Variants in PSMB3 observed in about 807,000 individuals in gnomAD.
PSMB3 encodes the protein proteasome subunit beta type-3.
PSMB3 carries 5 observed loss-of-function variants against 23.3 expected under a neutral mutation model. That is an observed-to-expected ratio of 0.21 (90% CI 0.11 to 0.45). The LOEUF is 0.45. Among genes scored for constraint, PSMB3 ranks in the 20% least tolerant of loss-of-function variants. The pLI is 0.99. For missense variants in PSMB3, 192 were observed against 277.9 expected, an observed-to-expected ratio of 0.69 and a Z score of 2.20; for synonymous variants, 85 against 99.8, an observed-to-expected ratio of 0.85 and a Z score of 0.88.
In PSMB3 at chr17:38,755,922, G is replaced by C; in HGVS notation, c.228G>C (p.Leu76Phe). ...AGTTCCGGCTGAACCTGTATGAGTTGAAGGAAGGTCGGCAGATCAAACCTT... is the reference window on the plus strand; with the variant it reads ...AGTTCCGGCTGAACCTGTATGAGTTCAAGGAAGGTCGGCAGATCAAACCTT... ...RLKFRLNLYE[L>F]KEGRQIKPYT... The change falls in exon 3 of 6, where the codon TTG becomes TTC. Residue 76 changes from leucine to phenylalanine, a missense_variant. Physicochemically the swap from Leu to Phe is conservative, Grantham distance 22. Coordinates refer to ENST00000619426, the MANE Select transcript of PSMB3 (RefSeq NM_002795.4). 1 of 1,614,092 alleles carries C rather than the reference G, an allele frequency of 6.2e-7. No individual in the cohort carries two copies. Among genetic ancestry groups the C allele is most frequent in the African/African-American group, 1.3e-5 (1 of 74,998 alleles).
Position 38,754,001 on chromosome 17 carries a change from A to T in PSMB3, c.188+667A>T, listed in dbSNP as rs1416092827. Among the ~76,000 whole-genome samples, 3 of 152,192 alleles carry T rather than the reference A, an allele frequency of 2.0e-5. No homozygotes were observed. In the East Asian group the frequency reaches 5.8e-4, roughly 29 times the overall value. On this transcript the variant is annotated intron_variant, in intron 2 of 5. Coordinates refer to ENST00000619426, the MANE Select transcript of PSMB3 (RefSeq NM_002795.4). Reference sequence around the variant, plus strand: ...CATTTAGCAGTGAGGGGCGAAGAGAAGCCAGAGAAGAATAAGAGAGGAAAA... The same window carrying T: ...CATTTAGCAGTGAGGGGCGAAGAGATGCCAGAGAAGAATAAGAGAGGAAAA...
chr17:38,753,483 C>CT (rs35484180), intron 2 of PSMB3, 149 bp downstream of exon 2: 22,508 of 628,656 alleles, frequency 0.036, 3 homozygotes, highest in Middle Eastern at 0.04. Flanking sequence ...CCTTCCCTTT[C>CT]TTTTTTTTTT....
intron 3 of PSMB3, among the ~76,000 whole-genome samples, chr17:38,756,564 C>T (rs760145626): frequency 1.3e-5 from 2 of 151,848 alleles, no homozygotes; most frequent in South Asian, 2.1e-4. Context: ...GGCGTGATCT[C>T]GGCTCACTGC....
At chr17:38,753,473 C>A in intron 2 of PSMB3, 139 bp downstream of exon 2, 1 of 848,270 alleles carries the variant, frequency 1.2e-6, no homozygotes, top group Non-Finnish European at 1.8e-6. Flanking sequence ...AAAAACATGT[C>A]CTTCCCTTTC....
intron 2 of PSMB3, among the ~76,000 whole-genome samples, chr17:38,754,826 T>A (rs1335399816): frequency 6.6e-6 from 1 of 152,224 alleles, no homozygotes; most frequent in Non-Finnish European, 1.5e-5. Context: ...GACTCATTGC[T>A]TTTCCTCCAG....
At chr17:38,756,835 G>A (rs1043107450) in intron 3 of PSMB3, among the ~76,000 whole-genome samples, 3 of 150,090 alleles carry the variant, frequency 2.0e-5, no homozygotes, top group Admixed American at 1.3e-4. Flanking sequence ...TTATTTTGAA[G>A]TAATTTTTGT....
chr17:38,760,330 T>A, intron 3 of PSMB3, 101 bp from the exon 4 acceptor site: 1 of 1,344,218 alleles, frequency 7.4e-7, no homozygotes, highest in Non-Finnish European at 1.0e-6. Context: ...TCCATTTCCC[T>A]TTGGGTCTGG....
chr17:38,756,884 CTT>C (rs969627335), intron 3 of PSMB3, among the ~76,000 whole-genome samples: 9 of 138,528 alleles, frequency 6.5e-5, no homozygotes, highest in Admixed American at 7.2e-5. Context: ...AAAACTTTTT[CTT>C]TTTTTTTTTT....
At position 38,753,283 on chromosome 17, in the gene PSMB3, G is replaced by T. The variant is rs1265687606; in HGVS notation, c.137G>T (p.Gly46Val). ...TTDFQKIFPM[G>V]DRLYIGLAGL... ...GACTTCCAGAAGATCTTTCCCATGG[G>T]TGACCGGCTGTACATCGGTCTGGCC... Residue 46 changes from glycine (G) to valine (V), a missense_variant, in exon 2 of 6, where the codon GGT becomes GTT. Coordinates refer to ENST00000619426, the MANE Select transcript of PSMB3 (RefSeq NM_002795.4). 1 of 1,614,024 alleles carries T rather than the reference G, an allele frequency of 6.2e-7. No homozygotes were observed. The highest frequency in any genetic ancestry group is 1.3e-5 in the African/African-American group (1 of 74,884).
chr17:38,764,005 G>T, intron 5 of PSMB3, 114 bp from the exon 6 acceptor site: 1 of 1,235,164 alleles, frequency 8.1e-7, no homozygotes, highest in Non-Finnish European at 1.2e-6. Flanking sequence ...GCAGCTATTT[G>T]TTCTGCTCCC....
chr17:38,753,712 C>G (rs1000716170), intron 2 of PSMB3, among the ~76,000 whole-genome samples: 3 of 152,210 alleles, frequency 2.0e-5, no homozygotes, highest in African/African-American at 4.8e-5. Flanking sequence ...CTCCTGACCT[C>G]AAGTGATCCA....
chr17:38,762,465 C>T lies in PSMB3; in HGVS notation c.529C>T (p.Arg177Trp), dbSNP rs1908483805. Residue 177 changes from arginine to tryptophan, a missense_variant, in exon 5 of 6, where the codon CGG becomes TGG. Physicochemically the swap from Arg to Trp is moderately radical, Grantham distance 101. Transcript: ENST00000619426. ...ISQAMLNAVD[R>W]DAVSGMGVIV... ...CCAAGCCATGCTGAATGCTGTGGAC[C>T]GGGATGCAGTGTCAGGCATGGGAGT... 2 of 1,614,118 alleles carry T rather than the reference C, an allele frequency of 1.2e-6. No individual in the cohort carries two copies. The highest frequency in any genetic ancestry group is 1.7e-6 in the Non-Finnish European group (2 of 1,180,008).
chr17:38,755,177 T>C (rs1908101224), intron 2 of PSMB3: 1 of 152,204 alleles, frequency 6.6e-6, no homozygotes, highest in African/African-American at 2.4e-5. Context: ...GGTTTCGCTA[T>C]GTTGCCCACA....
In PSMB3 at chr17:38,762,416, G is replaced by A. The variant is rs138004688; in HGVS notation, c.480G>A (p.Pro160=). The A allele has an allele frequency of 1.3e-5, 21 of 1,613,878 alleles. No individual in the cohort carries two copies. Among genetic ancestry groups the A allele is most frequent in the South Asian group, 4.4e-5 (4 of 91,080 alleles). Residue 160 remains proline (P), a synonymous_variant, in exon 5 of 6, where the codon CCG becomes CCA. Coordinates refer to ENST00000619426, the MANE Select transcript of PSMB3 (RefSeq NM_002795.4). ...GGGTTCCACTCTGTTGGCAGGATCC[G>A]GATCACCTGTTTGAAACCATCTCCC... is the stretch of plus-strand genomic sequence containing the variant. The part of the protein sequence containing the change: ...CESLWEPNMD[P]DHLFETISQA...
At chr17:38,763,061 G>A (rs1908508463) in intron 5 of PSMB3, among the ~76,000 whole-genome samples, 1 of 152,144 alleles carries the variant, frequency 6.6e-6, no homozygotes, top group Non-Finnish European at 1.5e-5. Context: ...CTTAATTACC[G>A]TGAAATAGTA....
rs1296024924 is a variant in PSMB3, at chr17:38,756,003, G to A, written c.296+13G>A. 5.7e-6 allele frequency: 9 copies of A among 1,576,566 alleles called. No individual in the cohort carries two copies. The South Asian group carries it at 7.8e-5, about 14-fold the overall frequency. Reference sequence around the variant, plus strand: ...TGTATGAGAAACGGTGAGTGCAAGTGTAGCTAGCACTGAGGGAATGCAGAC... The same window carrying A: ...TGTATGAGAAACGGTGAGTGCAAGTATAGCTAGCACTGAGGGAATGCAGAC... On this transcript the variant is annotated intron_variant, in intron 3 of 5. Transcript: ENST00000619426.
intron 3 of PSMB3, among the ~76,000 whole-genome samples, chr17:38,758,146 A>G (rs1908287452): frequency 6.6e-6 from 1 of 152,134 alleles, no homozygotes; most frequent in Non-Finnish European, 1.5e-5. Context: ...GATTTTAAAA[A>G]GGGTCTGGAC....
chr17:38,753,123 C>G, intron 1 of PSMB3, 27 bp from the exon 2 acceptor site: 1 of 1,587,252 alleles, frequency 6.3e-7, no homozygotes, highest in South Asian at 1.1e-5. Context: ...ACCCCCCGCG[C>G]TGACCCCTCC....
intron 3 of PSMB3, among the ~76,000 whole-genome samples, chr17:38,759,442 C>T (rs1908340826): frequency 6.6e-6 from 1 of 152,120 alleles, no homozygotes; most frequent in Non-Finnish European, 1.5e-5. Context: ...GTTGCTTTTG[C>T]ACCATCATAA....
Sources: allele counts gnomAD v4.1 joint callset (sites outside exome capture counted in the v4.1 genomes callset), GRCh38; gene constraint gnomAD v4.1.1; transcripts MANE v1.5; gene names NCBI Gene and HGNC (gene_info 2026-07-23, HGNC 2026-07-21).